GIGYF2: variants seen among roughly 807,000 people sequenced by gnomAD.
GIGYF2 encodes the protein GRB10 interacting GYF protein 2.
Under a neutral mutation model 208.1 loss-of-function variants are expected in GIGYF2, and 25 were observed. The ratio of observed to expected loss-of-function variants is 0.12; its 90% confidence interval spans 0.09 to 0.17. The LOEUF is 0.17. Among genes scored for constraint, GIGYF2 ranks in the 10% least tolerant of loss-of-function variants. GIGYF2 has a pLI of 1.00. For missense variants in GIGYF2, 1,302 were observed against 1,579.4 expected (o/e 0.82, Z 2.98); for synonymous variants, 534 against 543.8 (o/e 0.98, Z 0.25).
Position 232,806,496 on chromosome 2 carries a change from T to C in GIGYF2, c.1645T>C (p.Phe549Leu). 6.2e-7 allele frequency: 1 copy of C among 1,602,292 alleles called. No homozygotes were observed. Among genetic ancestry groups the C allele is most frequent in the Non-Finnish European group, 8.6e-7 (1 of 1,169,168 alleles). Reference sequence around the variant, plus strand: ...TTTAATTGGTGCTGTTATAGGTCCCTTCAATAATCAGGAGATGGCAGAATG... The same window carrying C: ...TTTAATTGGTGCTGTTATAGGTCCCCTCAATAATCAGGAGATGGCAGAATG... ...KDPQGEIQGP[F>L]NNQEMAEWFQ... The change falls in exon 15 of 29, where the codon TTC (phenylalanine) becomes CTC (leucine). Residue 549 changes from phenylalanine (F) to leucine (L), a missense_variant. Phe to Leu is a conservative substitution (Grantham distance 22). This residue lies in a region of GIGYF2 where 69 missense variants were observed against 132.8 expected (regional missense o/e 0.52). Coordinates refer to ENST00000373563, the MANE Select transcript of GIGYF2 (RefSeq NM_001103146.3). The surrounding 1 kb of genome is among the most constrained non-coding windows in gnomAD (Gnocchi z 4.0).
intron 1 of GIGYF2, among the ~76,000 whole-genome samples, chr2:232,702,384 A>G (rs984010016): frequency 6.6e-6 from 1 of 151,892 alleles, no homozygotes. Flanking sequence ...GGTTGCCTTG[A>G]GCCCAGATCG....
chr2:232,810,854 G>A (rs539418366), intron 16 of GIGYF2: 1 of 219,706 alleles, frequency 4.6e-6, no homozygotes, highest in African/African-American at 2.3e-5. Context: ...TTTACAAAGG[G>A]TACGTCATAT....
intron 8 of GIGYF2, chr2:232,776,737 T>C: frequency 2.4e-6 from 1 of 408,164 alleles, no homozygotes. Flanking sequence ...TTAACAACTC[T>C]GGAGAAAGCC....
intron 8 of GIGYF2, among the ~76,000 whole-genome samples, chr2:232,763,115 A>T (rs1033545271): frequency 2.0e-5 from 3 of 152,192 alleles, no homozygotes; most frequent in Admixed American, 6.5e-5. Context: ...AGACTGTTGG[A>T]TTAACATAAT....
At position 232,816,767 on chromosome 2, in the gene GIGYF2, C is replaced by T. The variant is rs562538857; in HGVS notation, c.2209-104C>T. ...TGGATCACCTGGTTGCAGTGCAGTA[C>T]GGTACAAGCAGCTGATTGAATGAAC... On this transcript the variant is annotated intron_variant, in intron 19 of 28. Transcript: ENST00000373563. 2.2e-4 allele frequency: 189 copies of T among 846,102 alleles called. No homozygotes were observed. In the South Asian group the frequency reaches 2.3e-3, roughly 10 times the overall value. The allele number at this position is 846,102 out of a possible 1,614,324, so 52.4% of individuals were successfully genotyped here. A position where few individuals can be genotyped will look rare whatever the true frequency, so the allele number is the denominator to read the frequency against.
At chr2:232,842,647 T>G (rs1701854467) in intron 23 of GIGYF2, among the ~76,000 whole-genome samples, 1 of 152,230 alleles carries the variant, frequency 6.6e-6, no homozygotes, top group South Asian at 2.1e-4. Context: ...ACTCAGAAGC[T>G]GATTGGAGGT....
chr2:232,771,297 G>T, intron 8 of GIGYF2: 1 of 1,610,410 alleles, frequency 6.2e-7, no homozygotes, highest in Non-Finnish European at 8.5e-7. Context: ...GGCCATCCTT[G>T]GTGACCATCC....
chr2:232,713,549 T>C (rs1696528856), intron 2 of GIGYF2, among the ~76,000 whole-genome samples: 1 of 152,246 alleles, frequency 6.6e-6, no homozygotes, highest in African/African-American at 2.4e-5. Flanking sequence ...TGTCATTAAT[T>C]AAAGTCCCTC....
chr2:232,768,142 G>C (rs757048919), intron 8 of GIGYF2: 2 of 1,582,598 alleles, frequency 1.3e-6, no homozygotes, highest in South Asian at 2.2e-5. Flanking sequence ...AGAAAAAGTA[G>C]CTGCATAACT....
chr2:232,761,569 T>C, intron 8 of GIGYF2, 133 bp downstream of exon 8: 1 of 642,192 alleles, frequency 1.6e-6, no homozygotes, highest in Non-Finnish European at 2.9e-6. Context: ...CTCTACTGCA[T>C]GAAACCAGAG....
rs1160494324 is a variant in GIGYF2 at position 232,697,411 on chromosome 2, T to A, written c.-110+19T>A. ...ACCGCAGGTAACCAGCCGTTCCGTG[T>A]CGCTCCCCTGCCCGGCTCTGCTCCG... On this transcript the variant is annotated intron_variant, in intron 1 of 28. Transcript: ENST00000373563. 2.0e-5 allele frequency: 3 copies of A among 152,544 alleles called. No individual in the cohort carries two copies. Among genetic ancestry groups the A allele is most frequent in the African/African-American group, 7.2e-5 (3 of 41,420 alleles). 9.4% of individuals were successfully genotyped at this position (152,544 alleles called of 1,614,324 possible). A position where few individuals can be genotyped will look rare whatever the true frequency, so the allele number is the denominator to read the frequency against.
intron 8 of GIGYF2, chr2:232,764,751 G>A (rs927868924): frequency 6.6e-6 from 1 of 152,162 alleles, no homozygotes; most frequent in Non-Finnish European, 1.5e-5. Context: ...GGTTGCCTTG[G>A]GAAAGTAGTG....
chr2:232,776,378 T>A (rs749028146), intron 8 of GIGYF2: 13 of 1,220,734 alleles, frequency 1.1e-5, no homozygotes, highest in Non-Finnish European at 1.6e-5. Context: ...CTGTTGCTAT[T>A]TGCCAGTCAG....
chr2:232,847,471 G>A lies in GIGYF2; in HGVS notation c.3584G>A (p.Arg1195His), dbSNP rs748828699. 10 of 1,613,496 alleles carry A rather than the reference G, an allele frequency of 6.2e-6. No homozygotes were observed. Among genetic ancestry groups the A allele is most frequent in the South Asian group, 2.2e-5 (2 of 91,046 alleles). Reference sequence around the variant, plus strand: ...TTTGCCAAGCAGTTCCTTGAGCGCCGTGCCAAACAGAAAGCCAACCAGCAG... The same window carrying A: ...TTTGCCAAGCAGTTCCTTGAGCGCCATGCCAAACAGAAAGCCAACCAGCAG... ...KEFAKQFLER[R>H]AKQKANQQRQ... Residue 1195 changes from arginine to histidine, a missense_variant, in exon 27 of 29, where the codon CGT (arginine) becomes CAT (histidine). Arg to His is a conservative substitution (Grantham distance 29). Around this residue, in one of 8 missense-constraint regions of GIGYF2, gnomAD observed 701 missense variants for 793.0 expected, o/e 0.88. Transcript: ENST00000373563.
At chr2:232,819,321 ATACT>A (rs1350130719) in intron 20 of GIGYF2, among the ~76,000 whole-genome samples, 15 of 152,166 alleles carry the variant, frequency 9.9e-5, no homozygotes, top group Non-Finnish European at 1.8e-4. Context: ...TTTCTGTGTA[ATACT>A]TAATAGTATT....
chr2:232,703,266 G>A (rs1050916844), intron 1 of GIGYF2, among the ~76,000 whole-genome samples, 158 bp from the exon 2 acceptor site: 2 of 152,192 alleles, frequency 1.3e-5, no homozygotes, highest in African/African-American at 2.4e-5. Flanking sequence ...CTTTCTAGAT[G>A]TTAGGGAACC....
intron 2 of GIGYF2, among the ~76,000 whole-genome samples, chr2:232,734,093 T>G (rs894699607): frequency 1.9e-4 from 29 of 150,030 alleles, no homozygotes; most frequent in African/African-American, 6.8e-4. Flanking sequence ...TTATATTTTA[T>G]TTATTTATTT....
At chr2:232,785,733 T>TA (rs1699888393) in intron 8 of GIGYF2, among the ~76,000 whole-genome samples, 2 of 152,216 alleles carry the variant, frequency 1.3e-5, no homozygotes, top group Admixed American at 6.5e-5. Context: ...AGTAGAATGA[T>TA]ACCTAGTAGC....
chr2:232,721,327 G>A (rs77633827), intron 2 of GIGYF2, among the ~76,000 whole-genome samples: 1 of 152,126 alleles, frequency 6.6e-6, no homozygotes. Flanking sequence ...AATTCCTAAG[G>A]CTTTCCTCTT....
Sources: gnomAD v4.1 joint callset for allele counts (sites outside exome capture counted in the v4.1 genomes callset) on GRCh38, gnomAD v4.1.1 for gene constraint, gnomAD v4.1.1 regional missense constraint, Gnocchi (gnomAD v3.1) non-coding constraint, MANE v1.5 for transcripts, NCBI Gene and HGNC (gene_info 2026-07-23, HGNC 2026-07-21) for gene names.